SORBS2: variants seen among roughly 807,000 people sequenced by gnomAD.
SORBS2 encodes sorbin and SH3 domain containing 2.
Under a neutral mutation model 97.7 loss-of-function variants are expected in SORBS2, and 46 were observed. That is an observed-to-expected ratio of 0.47 (90% CI 0.37 to 0.60). The LOEUF (loss-of-function observed/expected upper bound fraction) is 0.60, where lower values mean the gene tolerates loss of function less well. Ranked by LOEUF, SORBS2 falls within the 20% of genes least tolerant of loss-of-function variation. SORBS2 has a pLI of 0.00. For synonymous variants in SORBS2, 476 were observed against 473.4 expected (o/e 1.01, Z -0.07); for missense variants, 1,316 against 1,282.3 (o/e 1.03, Z -0.40).
chr4:185,781,991 C>G (rs756973125), intron 1 of SORBS2, among the ~76,000 whole-genome samples: 3 of 152,256 alleles, frequency 2.0e-5, no homozygotes, highest in Non-Finnish European at 4.4e-5. Flanking sequence ...ACTAGCCTAT[C>G]AGCTCCCGCT....
At chr4:185,766,400 A>G (rs12715855) in intron 2 of SORBS2, among the ~76,000 whole-genome samples, 2 of 152,018 alleles carry the variant, frequency 1.3e-5, no homozygotes, top group African/African-American at 2.4e-5. Flanking sequence ...GGTCTTCAAC[A>G]GTTTTTGTTT....
chr4:185,928,223 T>C (rs1484824219), intron 1 of SORBS2, among the ~76,000 whole-genome samples: 1 of 151,992 alleles, frequency 6.6e-6, no homozygotes, highest in African/African-American at 2.4e-5. Flanking sequence ...CTGGGCAACA[T>C]AGAGAGATCC....
intron 1 of SORBS2, among the ~76,000 whole-genome samples, chr4:185,804,925 C>T (rs955923801): frequency 2.0e-5 from 3 of 151,924 alleles, no homozygotes; most frequent in African/African-American, 7.2e-5. Context: ...GTCTTGAACT[C>T]TCTGTTCAAC....
rs114519032 is a variant in SORBS2 at position 185,785,321 on chromosome 4, C to A, written c.-337-9955G>T. Among the ~76,000 whole-genome samples the A allele has an allele frequency of 7.9e-5, 12 of 151,724 alleles. No homozygotes were observed. In the South Asian group the frequency reaches 2.3e-3, roughly 29 times the overall value. Reference sequence around the variant, plus strand: ...GGGAAGGTAGGTTTGATTAGGCGGCCGGTGAATTTTCAGAGTTAAACAAAG... The same window carrying A: ...GGGAAGGTAGGTTTGATTAGGCGGCAGGTGAATTTTCAGAGTTAAACAAAG... On this transcript the variant is annotated intron_variant, in intron 1 of 20. Transcript: ENST00000284776.
intron 1 of SORBS2, among the ~76,000 whole-genome samples, chr4:185,905,355 T>A (rs953972021): frequency 6.6e-6 from 1 of 152,250 alleles, no homozygotes; most frequent in African/African-American, 2.4e-5. Flanking sequence ...GGAAAACTAC[T>A]TAAATATACT....
intron 5 of SORBS2, among the ~76,000 whole-genome samples, chr4:185,630,241 C>A (rs966265589): frequency 6.6e-6 from 1 of 151,828 alleles, no homozygotes; most frequent in Non-Finnish European, 1.5e-5. Context: ...GGCCATTTAA[C>A]AACATTGAAA....
chr4:185,740,129 TTGAG>T (rs2098713101), intron 2 of SORBS2: 1 of 152,570 alleles, frequency 6.6e-6, no homozygotes, highest in Non-Finnish European at 1.5e-5. Context: ...CTGCAACTGG[TTGAG>T]TATCAGTGCT....
intron 2 of SORBS2, among the ~76,000 whole-genome samples, chr4:185,742,303 C>G (rs899959906): frequency 6.6e-6 from 1 of 152,252 alleles, no homozygotes; most frequent in Non-Finnish European, 1.5e-5. Flanking sequence ...CACCCAGGAG[C>G]ATGACTGTGC....
intron 12 of SORBS2, among the ~76,000 whole-genome samples, chr4:185,603,990 G>A (rs1417935596): frequency 1.3e-5 from 2 of 152,144 alleles, no homozygotes; most frequent in African/African-American, 4.8e-5. Context: ...CGATCGGTGG[G>A]AAATGACGGG....
intron 1 of SORBS2, among the ~76,000 whole-genome samples, chr4:185,779,606 G>A (rs949575477): frequency 1.4e-4 from 22 of 152,084 alleles, no homozygotes; most frequent in South Asian, 6.2e-4. Flanking sequence ...ATTCCTCATC[G>A]CTTCCTATTA....
rs1165438772 is a variant in SORBS2 at position 185,589,024 on chromosome 4, C to T, written c.2953+655G>A. On this transcript the variant is annotated intron_variant, in intron 14 of 14. Transcript: ENST00000418609. ...GATGTCTAGAGTGAGCCCTCCTCTCCTCTCACCTTTCCTCTCTTCCATTCT... is the reference window on the plus strand; with the variant it reads ...GATGTCTAGAGTGAGCCCTCCTCTCTTCTCACCTTTCCTCTCTTCCATTCT... 2.0e-5 allele frequency: 3 copies of T among 152,432 alleles called. No individual in the cohort carries two copies. The East Asian group carries it at 5.8e-4, about 29-fold the overall frequency. The allele number at this position is 152,432 out of a possible 1,614,324, so 9.4% of individuals were successfully genotyped here.
At chr4:185,824,484 C>T (rs1025733753) in intron 1 of SORBS2, among the ~76,000 whole-genome samples, 1 of 152,150 alleles carries the variant, frequency 6.6e-6, no homozygotes, top group Non-Finnish European at 1.5e-5. Flanking sequence ...TTCAAAGTAT[C>T]TTTTGAGGGG....
intron 1 of SORBS2, among the ~76,000 whole-genome samples, chr4:185,953,356 A>G (rs2099278106): frequency 6.6e-6 from 1 of 151,974 alleles, no homozygotes; most frequent in Non-Finnish European, 1.5e-5. Context: ...TGTTTCCCAG[A>G]CTCCATGCTC....
chr4:185,886,939 C>T (rs1044675958), intron 1 of SORBS2, among the ~76,000 whole-genome samples: 37 of 152,300 alleles, frequency 2.4e-4, no homozygotes, highest in Non-Finnish European at 4.4e-4. Context: ...CAGATTTCAG[C>T]TCAGTAAAGG....
intron 1 of SORBS2, among the ~76,000 whole-genome samples, chr4:185,927,107 T>C (rs1313829913): frequency 6.7e-6 from 1 of 149,584 alleles, no homozygotes; most frequent in Non-Finnish European, 1.5e-5. Flanking sequence ...GTCATATATA[T>C]GTGAATATTA....
intron 1 of SORBS2, among the ~76,000 whole-genome samples, chr4:185,891,130 GTTTTTTAATTCTGCTTATTCT>G (rs930991023): frequency 3.7e-5 from 4 of 108,432 alleles, no homozygotes; most frequent in African/African-American, 1.2e-4. Context: ...CTTATTCTTT[GTTTTTTAATTCTGCTTATTCT>G]AATACTTTTT....
chr4:185,614,763 A>C, intron 11 of SORBS2, 68 bp downstream of exon 23: 1 of 1,556,378 alleles, frequency 6.4e-7, no homozygotes, highest in South Asian at 1.2e-5. Context: ...TTGAAAATAT[A>C]CAGCCTTTTC....
intron 1 of SORBS2, among the ~76,000 whole-genome samples, chr4:185,791,970 G>A (rs977660528): frequency 6.6e-6 from 1 of 152,170 alleles, no homozygotes; most frequent in Admixed American, 6.5e-5. Flanking sequence ...GTGATGATCA[G>A]TTTTCTAATG....
intron 2 of SORBS2, among the ~76,000 whole-genome samples, chr4:185,688,078 T>C (rs567274564): frequency 5.9e-5 from 9 of 152,334 alleles, no homozygotes; most frequent in African/African-American, 2.2e-4. Flanking sequence ...TTATTTGATG[T>C]CTTTCCTTCT....
Sources: gnomAD v4.1 joint callset for allele counts (sites outside exome capture counted in the v4.1 genomes callset) on GRCh38, gnomAD v4.1.1 for gene constraint, MANE v1.5 for transcripts, NCBI Gene and HGNC (gene_info 2026-07-23, HGNC 2026-07-21) for gene names.